The following PCDHGA4 variants were observed in gnomAD, a reference collection of about 807,000 sequenced individuals.
The protein encoded by PCDHGA4 is protocadherin gamma subfamily A, 4, also known as protocadherin gamma-A4.
Under a neutral mutation model 54.6 loss-of-function variants are expected in PCDHGA4, and 38 were observed. The observed-to-expected ratio is 0.70, with a 90% confidence interval of 0.54 to 0.91. PCDHGA4 has a LOEUF of 0.91. Ranked by LOEUF, PCDHGA4 falls within the 40% of genes least tolerant of loss-of-function variation. The pLI, the probability that PCDHGA4 is intolerant of heterozygous loss-of-function variation, is 0.00. For synonymous variants in PCDHGA4, 511 were observed against 512.9 expected, an observed-to-expected ratio of 1.00 and a Z score of 0.05; for missense variants, 1,298 against 1,220.9, an observed-to-expected ratio of 1.06 and a Z score of -0.94.
chr5:141,369,740 G>T (rs1766464180), intron 1 of PCDHGA4, among the ~76,000 whole-genome samples: 1 of 152,190 alleles, frequency 6.6e-6, no homozygotes, highest in Non-Finnish European at 1.5e-5. Flanking sequence ...AAAGGAAATA[G>T]AATGCAATAA....
At chr5:141,497,018 A>G (rs988584487) in intron 2 of PCDHGA4, among the ~76,000 whole-genome samples, 1 of 152,084 alleles carries the variant, frequency 6.6e-6, no homozygotes, top group Non-Finnish European at 1.5e-5. Flanking sequence ...GTGAAACCCC[A>G]TCTCGATTAA....
chr5:141,491,513 A>C lies in PCDHGA4; in HGVS notation c.2515-3294A>C, dbSNP rs1163218369. On this transcript the variant is annotated intron_variant, in intron 1 of 3. Coordinates refer to ENST00000571252, the MANE Select transcript of PCDHGA4 (RefSeq NM_018917.4). The surrounding 1 kb of genome is among the most constrained non-coding windows in gnomAD (Gnocchi z 6.9). ...CAGGTGAGCTCGGACGGCACGCTCAAGTACATGGAGGTGACGCTGCGGCCC... is the reference window on the plus strand; with the variant it reads ...CAGGTGAGCTCGGACGGCACGCTCACGTACATGGAGGTGACGCTGCGGCCC... The C allele has an allele frequency of 6.2e-7, 1 of 1,613,934 alleles. No individual in the cohort carries two copies. Among genetic ancestry groups the C allele is most frequent in the East Asian group, 2.2e-5 (1 of 44,888 alleles).
chr5:141,376,686 T>G (rs543583265), intron 1 of PCDHGA4: 153 of 814,322 alleles, frequency 1.9e-4, no homozygotes, highest in Middle Eastern at 1.5e-3. Flanking sequence ...GTTTTTTTTT[T>G]TTTTTTTTTT....
At chr5:141,360,689 C>CT in intron 1 of PCDHGA4, 1 of 1,613,992 alleles carries the variant, frequency 6.2e-7, no homozygotes, top group Non-Finnish European at 8.5e-7. Context: ...GAGAAACAGA[C>CT]TCCAGATGGT....
chr5:141,417,141 C>T (rs1455831459), intron 1 of PCDHGA4: 1 of 152,018 alleles, frequency 6.6e-6, no homozygotes, highest in Non-Finnish European at 1.5e-5. Context: ...ATGACTAGGG[C>T]AATGGTTGCA....
intron 1 of PCDHGA4, chr5:141,413,903 C>T (rs1038159413): frequency 2.5e-6 from 4 of 1,613,308 alleles, no homozygotes; most frequent in Non-Finnish European, 3.4e-6. Flanking sequence ...AATGACAACG[C>T]GCCGGTCTTC....
intron 1 of PCDHGA4, chr5:141,440,542 C>T (rs1448576873): frequency 6.6e-6 from 1 of 152,206 alleles, no homozygotes; most frequent in Non-Finnish European, 1.5e-5. Context: ...CACGGTTCAG[C>T]AGGAATGTTA....
chr5:141,497,614 A>G (rs1377740795), intron 2 of PCDHGA4, among the ~76,000 whole-genome samples: 1 of 146,530 alleles, frequency 6.8e-6, no homozygotes, highest in Admixed American at 7.0e-5. Context: ...ATCTTGGCTC[A>G]CTGCAACCTC....
At chr5:141,377,878 G>A (rs568106041) in intron 1 of PCDHGA4, 1 of 152,254 alleles carries the variant, frequency 6.6e-6, no homozygotes, top group East Asian at 1.9e-4. Flanking sequence ...TCTCTTATCA[G>A]AGATAGGATC....
chr5:141,373,336 T>C (rs1769491453), intron 1 of PCDHGA4, among the ~76,000 whole-genome samples: 1 of 152,216 alleles, frequency 6.6e-6, no homozygotes, highest in South Asian at 2.1e-4. Flanking sequence ...GCATCTAAAA[T>C]GGCAACTCTT....
chr5:141,384,528 C>A (rs1443944722), intron 1 of PCDHGA4: 2 of 1,614,136 alleles, frequency 1.2e-6, no homozygotes, highest in Admixed American at 3.3e-5. Flanking sequence ...CGCCTCTCAG[C>A]AGCAACATGT....
At chr5:141,482,888 A>G (rs1012212528) in intron 1 of PCDHGA4, among the ~76,000 whole-genome samples, 3 of 152,208 alleles carry the variant, frequency 2.0e-5, no homozygotes, top group African/African-American at 7.2e-5. Context: ...CCTGGCCAAC[A>G]TGGTGAAACC....
At chr5:141,369,414 C>T (rs1245319622) in intron 1 of PCDHGA4, among the ~76,000 whole-genome samples, 1 of 152,114 alleles carries the variant, frequency 6.6e-6, no homozygotes, top group African/African-American at 2.4e-5. Context: ...TGACTATAAT[C>T]CCAGCAATTT....
At chr5:141,419,686 G>T (rs551990092) in intron 1 of PCDHGA4, 2 of 1,612,878 alleles carry the variant, frequency 1.2e-6, no homozygotes, top group South Asian at 1.1e-5. Flanking sequence ...ACCACGTGGT[G>T]CAGGCCAGTG....
At chr5:141,403,208 A>T (rs763459005) in intron 1 of PCDHGA4, 2 of 1,613,962 alleles carry the variant, frequency 1.2e-6, no homozygotes, top group Non-Finnish European at 1.7e-6. Flanking sequence ...CACCTTGGTC[A>T]CCGCGGGTAG....
At position 141,355,967 on chromosome 5, in the gene PCDHGA4, C is replaced by T. The variant is rs745830761; in HGVS notation, c.860C>T (p.Pro287Leu). 6.2e-7 allele frequency: 1 copy of T among 1,613,862 alleles called. No homozygotes were observed. The highest frequency in any genetic ancestry group is 1.1e-5 in the South Asian group (1 of 91,072). Residue 287 changes from proline (P) to leucine (L), a missense_variant, in exon 1 of 4, where the codon CCT (proline) becomes CTT (leucine). By Grantham distance (98) the Pro-to-Leu change is moderately conservative (BLOSUM62 -3). Coordinates refer to ENST00000571252, the MANE Select transcript of PCDHGA4 (RefSeq NM_018917.4). ...CACGTAAGTGTTCGTGAGAACGTTC[C>T]TGTAGGCACTCGGCTACTCACCGTA... is the stretch of plus-strand genomic sequence containing the variant. ...EYHVSVRENVPVGTRLLTVKA... is the reference protein window; with the variant it reads ...EYHVSVRENVLVGTRLLTVKA...
At chr5:141,464,883 T>G (rs995385615) in intron 1 of PCDHGA4, among the ~76,000 whole-genome samples, 1 of 152,086 alleles carries the variant, frequency 6.6e-6, no homozygotes, top group African/African-American at 2.4e-5. Flanking sequence ...GGACTACAGA[T>G]GGATGCCACC....
At chr5:141,384,644 C>A (rs757384812) in intron 1 of PCDHGA4, 2 of 1,614,116 alleles carry the variant, frequency 1.2e-6, no homozygotes, top group African/African-American at 1.3e-5. Context: ...CCCCGCTCCG[C>A]AGAGCCCGGC....
At chr5:141,437,659 C>T (rs1006268414) in intron 1 of PCDHGA4, among the ~76,000 whole-genome samples, 10 of 151,870 alleles carry the variant, frequency 6.6e-5, no homozygotes, top group East Asian at 3.9e-4. Context: ...CACATAGTTT[C>T]GAAGAGATGT....
Sources: allele counts gnomAD v4.1 joint callset (sites outside exome capture counted in the v4.1 genomes callset), GRCh38; gene constraint gnomAD v4.1.1; non-coding constraint Gnocchi (gnomAD v3.1); transcripts MANE v1.5; gene names NCBI Gene and HGNC (gene_info 2026-07-23, HGNC 2026-07-21).